The following ERG variants were observed in gnomAD, a reference collection of about 807,000 sequenced individuals.
ERG encodes the protein transcriptional regulator ERG.
ERG carries 9 observed loss-of-function variants against 55.3 expected under a neutral mutation model. That is an observed-to-expected ratio of 0.16 (90% CI 0.10 to 0.28). The LOEUF (loss-of-function observed/expected upper bound fraction) is 0.28, where lower values mean the gene tolerates loss of function less well. Among genes scored for constraint, ERG ranks in the 10% least tolerant of loss-of-function variants. The probability of loss-of-function intolerance (pLI) is 1.00; values close to 1 mark genes in which losing one functional copy is unlikely to be tolerated. For synonymous variants in ERG, 223 were observed against 237.3 expected (o/e 0.94, Z 0.55); for missense variants, 434 against 631.6 (o/e 0.69, Z 3.35).
rs1157934556 is a variant in ERG, at chr21:38,400,631, T to C, written c.688A>G (p.Ile230Val). The C allele has an allele frequency of 1.9e-6, 3 of 1,604,840 alleles. No homozygotes were observed. Among genetic ancestry groups the C allele is most frequent in the African/African-American group, 2.7e-5 (2 of 74,698 alleles). The change falls in exon 6 of 10, where the codon ATT (isoleucine) becomes GTT (valine). Residue 230 changes from isoleucine (I) to valine (V), a missense_variant. Ile to Val is a conservative substitution (Grantham distance 29, BLOSUM62 3). Coordinates refer to ENST00000288319, the MANE Select transcript of ERG (RefSeq NM_182918.4). ...GGATATACTGAAGTATTTGGGAAAA[T>C]AAAAGCTGCACCCCCTGCAGACAAA... ...HARNTGGAAF[I>V]FPNTSVYPEA...
At chr21:38,541,173 T>C (rs561880221) in intron 2 of ERG, among the ~76,000 whole-genome samples, 1 of 152,338 alleles carries the variant, frequency 6.6e-6, no homozygotes, top group African/African-American at 2.4e-5. Context: ...TTATAAATCC[T>C]TAGGATACTT....
At chr21:38,529,903 T>C (rs1446941639) in intron 2 of ERG, among the ~76,000 whole-genome samples, 1 of 151,830 alleles carries the variant, frequency 6.6e-6, no homozygotes, top group Non-Finnish European at 1.5e-5. Context: ...GAGGCAGAAG[T>C]TGCAGTGAAC....
At chr21:38,497,526 T>C (rs1404306157) in intron 1 of ERG, among the ~76,000 whole-genome samples, 1 of 152,200 alleles carries the variant, frequency 6.6e-6, no homozygotes, top group Non-Finnish European at 1.5e-5. Flanking sequence ...CCTTGACTTG[T>C]AGTCACCATT....
chr21:38,606,747 T>A (rs1000416135), intron 1 of ERG, among the ~76,000 whole-genome samples: 1 of 152,124 alleles, frequency 6.6e-6, no homozygotes, highest in African/African-American at 2.4e-5. Flanking sequence ...TTAAAATTAG[T>A]TATTCAAAAA....
intron 3 of ERG, among the ~76,000 whole-genome samples, chr21:38,413,698 T>C (rs907297451): frequency 6.6e-6 from 1 of 150,610 alleles, no homozygotes; most frequent in Admixed American, 6.7e-5. Flanking sequence ...TTTTGGATAA[T>C]GATCGTTATT....
the ERG span, among the ~76,000 whole-genome samples, chr21:38,368,888 T>C: frequency 6.6e-6 from 1 of 152,166 alleles, no homozygotes; most frequent in African/African-American, 2.4e-5. Context: ...TGTTCCTGTG[T>C]GAGTCTGTGA....
chr21:38,478,494 A>G (rs1367190194), intron 1 of ERG, among the ~76,000 whole-genome samples: 1 of 152,164 alleles, frequency 6.6e-6, no homozygotes, highest in Non-Finnish European at 1.5e-5. Flanking sequence ...AAGATGGGCT[A>G]TGGGCACGTG....
At chr21:38,492,933 T>C (rs1170153057) in intron 1 of ERG, among the ~76,000 whole-genome samples, 1 of 152,156 alleles carries the variant, frequency 6.6e-6, no homozygotes, top group African/African-American at 2.4e-5. Context: ...AAAAATGAGA[T>C]TCTGTTCTTA....
intron 2 of ERG, among the ~76,000 whole-genome samples, chr21:38,436,230 C>T (rs1389696916): frequency 2.0e-5 from 3 of 151,668 alleles, no homozygotes; most frequent in African/African-American, 7.3e-5. Flanking sequence ...AGGCTGGTCT[C>T]GAACTCCTGA....
At chr21:38,442,199 G>C (rs1240676739) in intron 2 of ERG, among the ~76,000 whole-genome samples, 3 of 152,138 alleles carry the variant, frequency 2.0e-5, no homozygotes, top group Non-Finnish European at 4.4e-5. Flanking sequence ...TTCGAGACCA[G>C]CCTGGCCAAC....
At chr21:38,604,396 A>T (rs1488294952) in intron 1 of ERG, among the ~76,000 whole-genome samples, 1 of 152,204 alleles carries the variant, frequency 6.6e-6, no homozygotes, top group Non-Finnish European at 1.5e-5. Flanking sequence ...TATTATGTAC[A>T]GTATGATTAC....
chr21:38,454,343 G>A (rs2058968613), intron 1 of ERG, among the ~76,000 whole-genome samples: 1 of 152,096 alleles, frequency 6.6e-6, no homozygotes, highest in South Asian at 2.1e-4. Context: ...CCTTGCTCTG[G>A]GAATCACCTG....
intron 3 of ERG, among the ~76,000 whole-genome samples, chr21:38,419,002 G>C (rs1165428950): frequency 6.6e-6 from 1 of 151,280 alleles, no homozygotes; most frequent in Non-Finnish European, 1.5e-5. Flanking sequence ...ATTAAGCTCG[G>C]CCAAAAAAGA....
chr21:38,605,168 A>T (rs1022467559), intron 1 of ERG, among the ~76,000 whole-genome samples: 12 of 152,170 alleles, frequency 7.9e-5, no homozygotes, highest in African/African-American at 2.9e-4. Flanking sequence ...TCAAAAAGCT[A>T]TCTATACTAC....
intron 2 of ERG, among the ~76,000 whole-genome samples, chr21:38,427,729 AG>A (rs1404622969): frequency 3.3e-5 from 5 of 152,308 alleles, no homozygotes; most frequent in African/African-American, 1.2e-4. Flanking sequence ...CTCTGGTTTA[AG>A]GTGTACACTA....
intron 2 of ERG, among the ~76,000 whole-genome samples, chr21:38,560,462 GGCAAGC>G (rs2059886155): frequency 2.6e-5 from 4 of 152,144 alleles, no homozygotes; most frequent in Admixed American, 2.6e-4. Flanking sequence ...CCCCTCCAAA[GGCAAGC>G]TCTGCTCCAG....
chr21:38,502,286 G>T (rs2059426759), upstream of ERG, among the ~76,000 whole-genome samples: 1 of 152,142 alleles, frequency 6.6e-6, no homozygotes. Context: ...ATTTTACCTG[G>T]TTAGTTAAAA....
At chr21:38,503,732 G>A (rs1001940475) in intron 2 of ERG, among the ~76,000 whole-genome samples, 5 of 152,160 alleles carry the variant, frequency 3.3e-5, no homozygotes, top group Non-Finnish European at 5.9e-5. Flanking sequence ...CCGCAAGAAC[G>A]ATGTCCCAGG....
intron 2 of ERG, among the ~76,000 whole-genome samples, chr21:38,442,303 G>C (rs376637272): frequency 2.0e-5 from 3 of 151,862 alleles, no homozygotes; most frequent in East Asian, 1.9e-4. Context: ...CTGAGGCAGG[G>C]GAGTCGCTTG....
Sources: gnomAD v4.1 joint callset for allele counts (sites outside exome capture counted in the v4.1 genomes callset) on GRCh38, gnomAD v4.1.1 for gene constraint, MANE v1.5 for transcripts, NCBI Gene and HGNC (gene_info 2026-07-23, HGNC 2026-07-21) for gene names.